CBL: variants seen among roughly 807,000 people sequenced by gnomAD.
CBL encodes the protein E3 ubiquitin-protein ligase CBL.
CBL carries 45 observed loss-of-function variants against 96.9 expected under a neutral mutation model. The ratio of observed to expected loss-of-function variants is 0.46; its 90% CI spans 0.37 to 0.60. The LOEUF (loss-of-function observed/expected upper bound fraction) is 0.60, where lower values mean the gene tolerates loss of function less well. Ranked by LOEUF, CBL falls within the 20% of genes least tolerant of loss-of-function variation. The probability of loss-of-function intolerance (pLI) is 0.00; values close to 1 mark genes in which losing one functional copy is unlikely to be tolerated. For synonymous variants in CBL, 420 were observed against 426.8 expected, an observed-to-expected ratio of 0.98 and a Z score of 0.20; for missense variants, 1,024 against 1,143.5, an observed-to-expected ratio of 0.90 and a Z score of 1.51.
At chr11:119,270,745 C>G (rs1949841425) in intron 2 of CBL, among the ~76,000 whole-genome samples, 2 of 152,156 alleles carry the variant, frequency 1.3e-5, no homozygotes, top group Non-Finnish European at 1.5e-5. Context: ...CGCGCCCGGC[C>G]ATTTTTATAT....
intron 1 of CBL, among the ~76,000 whole-genome samples, chr11:119,227,015 AGTACAATGGTTTGATG>A (rs1949464554): frequency 6.6e-6 from 1 of 152,180 alleles, no homozygotes; most frequent in Non-Finnish European, 1.5e-5. Context: ...AGACCATTGA[AGTACAATGGTTTGATG>A]GTACGGTGGT....
At chr11:119,291,213 A>G (rs1028982609) in intron 12 of CBL, among the ~76,000 whole-genome samples, 2 of 152,116 alleles carry the variant, frequency 1.3e-5, no homozygotes, top group Non-Finnish European at 1.5e-5. Flanking sequence ...TCTGGGCAAC[A>G]TAGTAATACT....
rs1950135789 is a variant in CBL, at chr11:119,305,879, T to C, written c.*6098T>C. The C allele has an allele frequency of 4.1e-6, 1 of 242,078 alleles. No homozygotes were observed. The highest frequency in any genetic ancestry group is 5.6e-5 in the Admixed American group (1 of 18,004). 15.0% of individuals were successfully genotyped at this position (242,078 alleles called of 1,614,324 possible). A position where few individuals can be genotyped will look rare whatever the true frequency, so the allele number is the denominator to read the frequency against. On this transcript the variant is annotated 3_prime_UTR_variant, in exon 16 of 16. Coordinates refer to ENST00000264033, the MANE Select transcript of CBL (RefSeq NM_005188.4). ...TGCCTTACTTAAAAGTTTTTTAAAC[T>C]ACTAGAGTCATTTGATACACACAGA...
At chr11:119,217,411 C>T (rs1291315010) in intron 1 of CBL, among the ~76,000 whole-genome samples, 1 of 152,174 alleles carries the variant, frequency 6.6e-6, no homozygotes, top group Non-Finnish European at 1.5e-5. Context: ...CCACGTGCAG[C>T]CCATATTTTT....
At chr11:119,288,162 A>G (rs780064186) in intron 12 of CBL, among the ~76,000 whole-genome samples, 4 of 152,056 alleles carry the variant, frequency 2.6e-5, no homozygotes, top group African/African-American at 9.7e-5. Flanking sequence ...TGTCAATTTT[A>G]TTAATATTTT....
Position 119,292,425 on chromosome 11 carries a change from T to C in CBL, c.2036+4479T>C, listed in dbSNP as rs1591267650. Among the ~76,000 whole-genome samples the C allele has an allele frequency of 2.0e-5, 3 of 152,082 alleles. No homozygotes were observed. The South Asian group carries it at 6.2e-4, about 32-fold the overall frequency. ...CTTGGCATACTTTATTTTCTTTTTT[T>C]CTTTTCTTTTTTTGAGGTGGAGTCT... On this transcript the variant is annotated intron_variant, in intron 12 of 15. Coordinates refer to ENST00000264033, the MANE Select transcript of CBL (RefSeq NM_005188.4).
In CBL at chr11:119,304,122, G is replaced by C. The variant is rs1370999729; in HGVS notation, c.*4341G>C. ...ATTGTCAGCCTTTACCTCCCTCCCA[G>C]AGCAAGGAGTTTAGGGATTCTAAAG... On this transcript the variant is annotated 3_prime_UTR_variant, in exon 16 of 16. Transcript: ENST00000264033. The C allele has an allele frequency of 4.3e-6, 1 of 233,426 alleles. No homozygotes were observed. Among genetic ancestry groups the C allele is most frequent in the Non-Finnish European group, 8.5e-6 (1 of 118,054 alleles). 14.5% of individuals were successfully genotyped at this position (233,426 alleles called of 1,614,324 possible).
rs1262627997 is a variant in CBL at position 119,271,755 on chromosome 11, C to T, written c.464C>T (p.Ser155Phe). 4 of 1,613,988 alleles carry T rather than the reference C, an allele frequency of 2.5e-6. No homozygotes were observed. Among genetic ancestry groups the T allele is most frequent in the Non-Finnish European group, 3.4e-6 (4 of 1,179,894 alleles). ...TGTAGGCGAAACCTAACCAAACTGT[C>T]CCTCATCTTCAGCCACATGCTGGCA... ...SQPRRNLTKL[S>F]LIFSHMLAEL... Residue 155 changes from serine (S) to phenylalanine (F), a missense_variant, in exon 3 of 16, where the codon TCC (serine) becomes TTC (phenylalanine). This residue lies in a region of CBL where 192 missense variants were observed against 321.8 expected (regional missense o/e 0.60). Coordinates refer to ENST00000264033, the MANE Select transcript of CBL (RefSeq NM_005188.4).
intron 1 of CBL, among the ~76,000 whole-genome samples, chr11:119,226,105 T>C (rs1033246079): frequency 6.6e-6 from 1 of 152,208 alleles, no homozygotes; most frequent in African/African-American, 2.4e-5. Flanking sequence ...CTTTTGCAGA[T>C]TGTTGGTCAC....
At chr11:119,258,873 G>C (rs1565866918) in intron 2 of CBL, among the ~76,000 whole-genome samples, 1 of 152,096 alleles carries the variant, frequency 6.6e-6, no homozygotes, top group Non-Finnish European at 1.5e-5. Context: ...TGGGCAGTAT[G>C]GTCATTTTCA....
At chr11:119,243,309 A>G (rs1949601298) in intron 2 of CBL, among the ~76,000 whole-genome samples, 1 of 152,136 alleles carries the variant, frequency 6.6e-6, no homozygotes, top group Non-Finnish European at 1.5e-5. Flanking sequence ...ATTTTGCTTA[A>G]TAAGTTCACT....
chr11:119,219,137 G>A (rs1030141408), intron 1 of CBL, among the ~76,000 whole-genome samples: 7 of 152,156 alleles, frequency 4.6e-5, no homozygotes, highest in African/African-American at 7.2e-5. Context: ...CAGCACTGAG[G>A]GAGGCTGAGG....
At chr11:119,275,501 T>C (rs1265633833) in intron 5 of CBL, among the ~76,000 whole-genome samples, 3 of 152,154 alleles carry the variant, frequency 2.0e-5, no homozygotes, top group South Asian at 2.1e-4. Flanking sequence ...TGTGGAGTCA[T>C]GGAAGAAGTT....
chr11:119,247,957 A>G (rs1949644788), intron 2 of CBL, among the ~76,000 whole-genome samples: 2 of 152,228 alleles, frequency 1.3e-5, no homozygotes, highest in South Asian at 4.1e-4. Context: ...AAACTACAAA[A>G]CATTGCTGAA....
chr11:119,282,589 A>G (rs1252561008), intron 9 of CBL, among the ~76,000 whole-genome samples: 1 of 152,170 alleles, frequency 6.6e-6, no homozygotes, highest in Non-Finnish European at 1.5e-5. Context: ...GAGTTGTGGG[A>G]AATACCTTTC....
At chr11:119,272,600 G>A (rs971864351) in intron 3 of CBL, among the ~76,000 whole-genome samples, 4 of 152,152 alleles carry the variant, frequency 2.6e-5, no homozygotes, top group African/African-American at 7.2e-5. Context: ...TTTCCAAAAT[G>A]GTGTACCAGT....
intron 2 of CBL, among the ~76,000 whole-genome samples, chr11:119,251,883 A>G (rs1444794162): frequency 6.6e-6 from 1 of 152,214 alleles, no homozygotes; most frequent in African/African-American, 2.4e-5. Context: ...GAAGTCTACA[A>G]CTGCATTTAA....
At chr11:119,264,059 A>G (rs1403482137) in intron 2 of CBL, among the ~76,000 whole-genome samples, 1 of 152,246 alleles carries the variant, frequency 6.6e-6, no homozygotes, top group Non-Finnish European at 1.5e-5. Context: ...ATATTTTGCA[A>G]CCCTGTAATC....
intron 11 of CBL, 66 bp downstream of exon 11, chr11:119,285,632 A>G: frequency 6.4e-7 from 1 of 1,559,226 alleles, no homozygotes; most frequent in African/African-American, 1.3e-5. Flanking sequence ...ACAGTGGCTC[A>G]TGTCTGTAAT....
Sources: gnomAD v4.1 joint callset for allele counts (sites outside exome capture counted in the v4.1 genomes callset) on GRCh38, gnomAD v4.1.1 for gene constraint, gnomAD v4.1.1 regional missense constraint, MANE v1.5 for transcripts, NCBI Gene and HGNC (gene_info 2026-07-23, HGNC 2026-07-21) for gene names.